The following HSD17B12 variants were observed in gnomAD, a reference collection of about 807,000 sequenced individuals.
HSD17B12 encodes the protein hydroxysteroid 17-beta dehydrogenase 12, also known as very-long-chain 3-oxoacyl-CoA reductase.
HSD17B12 carries 32 observed loss-of-function variants against 39.3 expected under a neutral mutation model. The ratio of observed to expected loss-of-function variants is 0.81; its 90% CI spans 0.61 to 1.09. HSD17B12 has a LOEUF of 1.09. HSD17B12 is among the 50% of genes least tolerant of loss of function. The pLI is 0.00. For missense variants in HSD17B12, 342 were observed against 382.9 expected, an observed-to-expected ratio of 0.89 and a Z score of 0.89; for synonymous variants, 150 against 146.7, an observed-to-expected ratio of 1.02 and a Z score of -0.16.
the HSD17B12 span, among the ~76,000 whole-genome samples, chr11:43,635,851 T>C: frequency 1.3e-5 from 2 of 152,234 alleles, no homozygotes; most frequent in African/African-American, 4.8e-5. Flanking sequence ...ACCCAGGTAA[T>C]GCAATGCTTT....
chr11:43,741,493 CAA>C (rs1459400422), intron 1 of HSD17B12, among the ~76,000 whole-genome samples: 1 of 151,844 alleles, frequency 6.6e-6, no homozygotes, highest in Non-Finnish European at 1.5e-5. Context: ...TTAAAAAATG[CAA>C]AGAGTTAAAA....
At chr11:43,621,674 G>T in the HSD17B12 span, among the ~76,000 whole-genome samples, 20 of 152,202 alleles carry the variant, frequency 1.3e-4, no homozygotes, top group Admixed American at 1.3e-3. Flanking sequence ...TCGTGCCACT[G>T]CACTCCAGCC....
the HSD17B12 span, among the ~76,000 whole-genome samples, chr11:43,588,737 T>A: frequency 6.6e-6 from 1 of 151,532 alleles, no homozygotes; most frequent in Admixed American, 6.6e-5. Flanking sequence ...GAGTGACAGA[T>A]AAAAGATAAT....
At chr11:43,614,343 C>T in the HSD17B12 span, among the ~76,000 whole-genome samples, 1 of 152,152 alleles carries the variant, frequency 6.6e-6, no homozygotes. Flanking sequence ...TGTCTTCTGG[C>T]TTTCATTGTT....
chr11:43,816,608 TATTTA>T (rs1951125531), intron 6 of HSD17B12, among the ~76,000 whole-genome samples: 2 of 152,148 alleles, frequency 1.3e-5, no homozygotes, highest in African/African-American at 4.8e-5. Context: ...ATTTTTATTT[TATTTA>T]ATTATTTAAT....
chr11:43,766,613 A>T (rs1025545689), intron 3 of HSD17B12, among the ~76,000 whole-genome samples: 1 of 152,312 alleles, frequency 6.6e-6, no homozygotes, highest in South Asian at 2.1e-4. Flanking sequence ...TTTGGTCTAC[A>T]TCACACTTTT....
intron 3 of HSD17B12, among the ~76,000 whole-genome samples, chr11:43,758,392 G>A (rs1289957620): frequency 6.6e-6 from 1 of 152,152 alleles, no homozygotes; most frequent in African/African-American, 2.4e-5. Flanking sequence ...GTTCAGAGTA[G>A]CTTGGGAGTC....
At chr11:43,847,683 G>A (rs1049192418) in intron 9 of HSD17B12, among the ~76,000 whole-genome samples, 7 of 136,436 alleles carry the variant, frequency 5.1e-5, no homozygotes, top group African/African-American at 1.4e-4. Flanking sequence ...CTCCAGCCTC[G>A]GTGATGGGTG....
intron 1 of HSD17B12, among the ~76,000 whole-genome samples, chr11:43,729,721 G>A (rs1277060496): frequency 6.6e-6 from 1 of 152,158 alleles, no homozygotes; most frequent in Non-Finnish European, 1.5e-5. Flanking sequence ...CCTATCCGCT[G>A]CATCTGAAAG....
chr11:43,764,091 T>G (rs947227427), intron 3 of HSD17B12, among the ~76,000 whole-genome samples: 6 of 152,156 alleles, frequency 3.9e-5, no homozygotes, highest in African/African-American at 1.2e-4. Context: ...TAGCTATTTT[T>G]AAAATTAAAG....
At chr11:43,749,299 T>A (rs1056696766) in intron 1 of HSD17B12, among the ~76,000 whole-genome samples, 2 of 152,160 alleles carry the variant, frequency 1.3e-5, no homozygotes, top group Non-Finnish European at 2.9e-5. Flanking sequence ...CAAATTTTAT[T>A]ATGGAACATT....
At chr11:43,642,483 T>C in the HSD17B12 span, among the ~76,000 whole-genome samples, 1 of 151,778 alleles carries the variant, frequency 6.6e-6, no homozygotes, top group African/African-American at 2.4e-5. Context: ...ATGGAAAATA[T>C]AATCTTATAG....
At chr11:43,683,723 C>T (rs1393327288) in intron 1 of HSD17B12, among the ~76,000 whole-genome samples, 1 of 152,252 alleles carries the variant, frequency 6.6e-6, no homozygotes, top group South Asian at 2.1e-4. Context: ...TTTGAATCTA[C>T]TTTCTAGTAC....
the HSD17B12 span, among the ~76,000 whole-genome samples, chr11:43,640,206 G>A: frequency 1.3e-5 from 2 of 152,042 alleles, no homozygotes; most frequent in Admixed American, 1.3e-4. Flanking sequence ...GTGGGGAGGG[G>A]GGAAAGCAGC....
chr11:43,608,065 C>T, the HSD17B12 span, among the ~76,000 whole-genome samples: 1 of 152,152 alleles, frequency 6.6e-6, no homozygotes, highest in Non-Finnish European at 1.5e-5. Context: ...GGAATATATA[C>T]ATTTTTTAAA....
At chr11:43,717,804 C>CTTTTT (rs34501307) in intron 1 of HSD17B12, among the ~76,000 whole-genome samples, 5 of 130,200 alleles carry the variant, frequency 3.8e-5, no homozygotes, top group Non-Finnish European at 4.9e-5. Flanking sequence ...TCTTCTTCTT[C>CTTTTT]TTTTTTTTTT....
rs34783257 is a variant in HSD17B12, at chr11:43,771,462, C to CTTTTTTT, written c.283+17357_283+17363dup. Among the ~76,000 whole-genome samples, 140 of 90,592 alleles carry CTTTTTTT rather than the reference C, an allele frequency of 1.5e-3. 1 individual carries two copies. Among genetic ancestry groups the CTTTTTTT allele is most frequent in the East Asian group, 2.7e-3 (8 of 2,956 alleles). 59.4% of individuals were successfully genotyped at this position (90,592 alleles called of 152,430 possible). On this transcript the variant is annotated intron_variant, in intron 3 of 10. Coordinates refer to ENST00000278353, the MANE Select transcript of HSD17B12 (RefSeq NM_016142.3). ...ATATATGTAGGAGTGGACTCATATT[C>CTTTTTTT]TTTTTTTTTTTTTTTTTTTTTTGAG...
At position 43,855,364 on chromosome 11, in the gene HSD17B12, C is replaced by T. The variant is rs1298255732; in HGVS notation, c.*116C>T. 7 of 532,192 alleles carry T rather than the reference C, an allele frequency of 1.3e-5. No individual in the cohort carries two copies. The highest frequency in any genetic ancestry group is 2.3e-5 in the Non-Finnish European group (7 of 307,264). The allele number at this position is 532,192 out of a possible 1,614,324, so 33.0% of individuals were successfully genotyped here. ...GTCATTTCAATAGTTATTAACATGA[C>T]TAAATATTATCTTAATTAAGAGGAA... is the stretch of plus-strand genomic sequence containing the variant. On this transcript the variant is annotated 3_prime_UTR_variant, in exon 11 of 11. Coordinates refer to ENST00000278353, the MANE Select transcript of HSD17B12 (RefSeq NM_016142.3).
At chr11:43,605,828 G>T in the HSD17B12 span, among the ~76,000 whole-genome samples, 2 of 152,168 alleles carry the variant, frequency 1.3e-5, no homozygotes, top group South Asian at 2.1e-4. Flanking sequence ...GTGTGCCACA[G>T]TTCCTTGCAT....
Sources: gnomAD v4.1 joint callset for allele counts (sites outside exome capture counted in the v4.1 genomes callset) on GRCh38, gnomAD v4.1.1 for gene constraint, MANE v1.5 for transcripts, NCBI Gene and HGNC (gene_info 2026-07-23, HGNC 2026-07-21) for gene names.